Variants in SLC6A11 observed in about 807,000 individuals in gnomAD.
SLC6A11 encodes sodium- and chloride-dependent GABA transporter 3.
SLC6A11 carries 25 observed loss-of-function variants against 74.8 expected under a neutral mutation model. That is an observed-to-expected ratio of 0.33 (90% CI 0.24 to 0.47). The LOEUF (loss-of-function observed/expected upper bound fraction) is 0.47, where lower values mean the gene tolerates loss of function less well. Ranked by LOEUF, SLC6A11 falls within the 20% of genes least tolerant of loss-of-function variation. The pLI is 1.00. For synonymous variants in SLC6A11, 330 were observed against 330.2 expected (o/e 1.00, Z 0.01); for missense variants, 574 against 837.0 (o/e 0.69, Z 3.88).
At chr3:10,938,042 G>T (rs1367604890) in intron 13 of SLC6A11, among the ~76,000 whole-genome samples, 1 of 152,146 alleles carries the variant, frequency 6.6e-6, no homozygotes, top group Non-Finnish European at 1.5e-5. Flanking sequence ...GACCTCTACG[G>T]TCCCCATTTT....
chr3:10,908,202 T>C (rs1695335436), intron 6 of SLC6A11, among the ~76,000 whole-genome samples: 1 of 152,158 alleles, frequency 6.6e-6, no homozygotes, highest in African/African-American at 2.4e-5. Flanking sequence ...TACTAAAAAT[T>C]TGAATATAAT....
At chr3:10,910,410 G>A (rs1480641220) in intron 6 of SLC6A11, among the ~76,000 whole-genome samples, 1 of 152,132 alleles carries the variant, frequency 6.6e-6, no homozygotes, top group East Asian at 1.9e-4. Flanking sequence ...TGGAGGAGAG[G>A]GATGTGGCCT....
intron 4 of SLC6A11, among the ~76,000 whole-genome samples, chr3:10,828,450 A>T (rs867245054): frequency 6.6e-6 from 1 of 152,172 alleles, no homozygotes. Context: ...TTTTCTTTGG[A>T]CATGAGATTT....
chr3:10,934,211 T>C (rs770304228), intron 12 of SLC6A11, 45 bp downstream of exon 12: 8 of 1,335,888 alleles, frequency 6.0e-6, no homozygotes, highest in Non-Finnish European at 8.6e-6. Context: ...TACCCACCCA[T>C]CTACCCTCCA....
chr3:10,885,589 C>T (rs1461095801), intron 6 of SLC6A11, among the ~76,000 whole-genome samples: 1 of 117,784 alleles, frequency 8.5e-6, no homozygotes, highest in Non-Finnish European at 1.6e-5. Flanking sequence ...ACAGGACAGC[C>T]CCCATGATAA....
At chr3:10,874,882 C>G (rs2106604956) in intron 5 of SLC6A11, 79 bp from the exon 6 acceptor site, 1 of 1,432,626 alleles carries the variant, frequency 7.0e-7, no homozygotes, top group East Asian at 2.4e-5. Flanking sequence ...CAACATGCAC[C>G]CAAAGGACAT....
At chr3:10,847,422 A>G (rs1392313448) in intron 5 of SLC6A11, among the ~76,000 whole-genome samples, 1 of 152,160 alleles carries the variant, frequency 6.6e-6, no homozygotes, top group Non-Finnish European at 1.5e-5. Flanking sequence ...CCAATTAAGT[A>G]TTTTCCTGAA....
At chr3:10,934,238 C>G in intron 12 of SLC6A11, 72 bp downstream of exon 12, 1 of 1,051,254 alleles carries the variant, frequency 9.5e-7, no homozygotes, top group Non-Finnish European at 1.5e-6. Context: ...GTTTCCACTC[C>G]GTAGCCCCCA....
intron 5 of SLC6A11, among the ~76,000 whole-genome samples, chr3:10,854,319 G>A (rs932714094): frequency 2.0e-5 from 3 of 152,138 alleles, no homozygotes; most frequent in African/African-American, 7.2e-5. Flanking sequence ...AACCTAGGAG[G>A]CAGAGGTTGC....
intron 4 of SLC6A11, among the ~76,000 whole-genome samples, chr3:10,836,026 C>T (rs2106580590): frequency 6.6e-6 from 1 of 152,330 alleles, no homozygotes; most frequent in South Asian, 2.1e-4. Context: ...CCATTAATCT[C>T]CATTCCCACC....
At chr3:10,879,875 A>G (rs1009825276) in intron 6 of SLC6A11, among the ~76,000 whole-genome samples, 37 of 152,194 alleles carry the variant, frequency 2.4e-4, no homozygotes, top group African/African-American at 8.9e-4. Flanking sequence ...TGAGCATTGG[A>G]GCTCTTTGGA....
At chr3:10,893,826 A>G (rs545216422) in intron 6 of SLC6A11, among the ~76,000 whole-genome samples, 38 of 152,124 alleles carry the variant, frequency 2.5e-4, no homozygotes, top group Admixed American at 7.8e-4. Flanking sequence ...ATTCTATTTT[A>G]TTTTTTGATA....
At chr3:10,890,799 T>C (rs1695098393) in intron 6 of SLC6A11, among the ~76,000 whole-genome samples, 1 of 152,232 alleles carries the variant, frequency 6.6e-6, no homozygotes, top group African/African-American at 2.4e-5. Context: ...GGGCCTGGAG[T>C]AACTAAGCTC....
intron 4 of SLC6A11, among the ~76,000 whole-genome samples, chr3:10,833,437 G>A (rs1055218036): frequency 1.3e-4 from 20 of 152,186 alleles, no homozygotes; most frequent in Non-Finnish European, 2.2e-4. Context: ...ATCAATGCCA[G>A]GGATGGCTCC....
At chr3:10,825,107 G>A (rs1694190243) in intron 4 of SLC6A11, 1 of 151,504 alleles carries the variant, frequency 6.6e-6, no homozygotes, top group African/African-American at 2.4e-5. Flanking sequence ...ACTTGAACCT[G>A]GAAGGCGAAA....
At chr3:10,864,012 T>C (rs558808974) in intron 5 of SLC6A11, among the ~76,000 whole-genome samples, 1 of 152,228 alleles carries the variant, frequency 6.6e-6, no homozygotes, top group East Asian at 1.9e-4. Flanking sequence ...TCTTCTAGAA[T>C]TGGATAATGT....
intron 5 of SLC6A11, among the ~76,000 whole-genome samples, chr3:10,863,301 T>C (rs1052034370): frequency 6.6e-6 from 1 of 152,236 alleles, no homozygotes; most frequent in African/African-American, 2.4e-5. Context: ...CAGGTCACTG[T>C]ACCTGGTGCT....
At chr3:10,840,257 G>A (rs973934158) in intron 4 of SLC6A11, among the ~76,000 whole-genome samples, 6 of 152,232 alleles carry the variant, frequency 3.9e-5, no homozygotes, top group Admixed American at 3.3e-4. Context: ...CTTTGGCCTC[G>A]TGGTGTTCTC....
intron 6 of SLC6A11, among the ~76,000 whole-genome samples, chr3:10,901,025 A>G (rs1695233394): frequency 6.6e-6 from 1 of 152,184 alleles, no homozygotes; most frequent in African/African-American, 2.4e-5. Flanking sequence ...TACAGGGAGT[A>G]GGACAGTCCT....
Sources: allele counts gnomAD v4.1 joint callset (sites outside exome capture counted in the v4.1 genomes callset), GRCh38; gene constraint gnomAD v4.1.1; transcripts MANE v1.5; gene names NCBI Gene and HGNC (gene_info 2026-07-23, HGNC 2026-07-21).